The following UBE3C variants were observed in gnomAD, a reference collection of about 807,000 sequenced individuals.
UBE3C encodes ubiquitin protein ligase E3C.
Under a neutral mutation model 129.4 loss-of-function variants are expected in UBE3C, and 42 were observed. The observed-to-expected ratio is 0.32, with a 90% CI of 0.25 to 0.42. The LOEUF (loss-of-function observed/expected upper bound fraction) is 0.42, where lower values mean the gene tolerates loss of function less well. UBE3C is among the 10% of genes least tolerant of loss of function. The pLI, the probability that UBE3C is intolerant of heterozygous loss-of-function variation, is 1.00. For missense variants in UBE3C, 1,049 were observed against 1,319.1 expected, an observed-to-expected ratio of 0.80 and a Z score of 3.17; for synonymous variants, 510 against 492.4, an observed-to-expected ratio of 1.04 and a Z score of -0.47.
chr7:157,238,839 G>A (rs1796220464), intron 18 of UBE3C, among the ~76,000 whole-genome samples: 1 of 152,188 alleles, frequency 6.6e-6, no homozygotes. Context: ...AAGTTCAGGA[G>A]ATGAAGCTGG....
intron 10 of UBE3C, among the ~76,000 whole-genome samples, chr7:157,199,220 T>C (rs1809209547): frequency 6.6e-6 from 1 of 152,236 alleles, no homozygotes; most frequent in African/African-American, 2.4e-5. Context: ...AAGCAAATAA[T>C]ACCTTTTCAA....
rs747473700 is a variant in UBE3C at position 157,182,248 on chromosome 7, T to C, written c.911T>C (p.Ile304Thr). The C allele has an allele frequency of 1.2e-6, 2 of 1,614,250 alleles. No individual in the cohort carries two copies. Among genetic ancestry groups the C allele is most frequent in the Non-Finnish European group, 8.5e-7 (1 of 1,180,046 alleles). ...YEPFLNALLLIESRCSRKSGG... is the reference protein window; with the variant it reads ...YEPFLNALLLTESRCSRKSGG... ...CCCTTTCTGAATGCACTGTTGTTAATAGAGAGTAGATGTTCAAGAAAGAGT... is the reference window on the plus strand; with the variant it reads ...CCCTTTCTGAATGCACTGTTGTTAACAGAGAGTAGATGTTCAAGAAAGAGT... The change falls in exon 8 of 23, where the codon ATA becomes ACA. Residue 304 changes from isoleucine to threonine, a missense_variant. Coordinates refer to ENST00000348165, the MANE Select transcript of UBE3C (RefSeq NM_014671.3).
intron 18 of UBE3C, among the ~76,000 whole-genome samples, chr7:157,233,609 G>T (rs1482236112): frequency 6.6e-6 from 1 of 152,214 alleles, no homozygotes; most frequent in African/African-American, 2.4e-5. Context: ...CTCATCCCAG[G>T]CTGGAGTGCA....
At position 157,207,693 on chromosome 7, in the gene UBE3C, T is replaced by C; in HGVS notation, c.1577-10T>C. The C allele has an allele frequency of 1.2e-6, 2 of 1,608,246 alleles. No homozygotes were observed. Among genetic ancestry groups the C allele is most frequent in the African/African-American group, 1.3e-5 (1 of 74,592 alleles). ...AAAGAAACAATAGAAAACTGGATTG[T>C]GTTTTTTAGTTGTAGGTCAAAGACA... On this transcript the variant is annotated splice_polypyrimidine_tract_variant and intron_variant, in intron 12 of 22. Coordinates refer to ENST00000348165, the MANE Select transcript of UBE3C (RefSeq NM_014671.3).
At chr7:157,236,363 A>T (rs896804996) in intron 18 of UBE3C, among the ~76,000 whole-genome samples, 3 of 152,122 alleles carry the variant, frequency 2.0e-5, no homozygotes, top group Non-Finnish European at 4.4e-5. Flanking sequence ...TTGCTTTAGG[A>T]TATTGATTTA....
intron 21 of UBE3C, among the ~76,000 whole-genome samples, chr7:157,255,099 G>A (rs982047065): frequency 6.6e-6 from 1 of 152,130 alleles, no homozygotes; most frequent in Non-Finnish European, 1.5e-5. Context: ...CAGCCTGGGC[G>A]ACAGGAGTGA....
intron 10 of UBE3C, among the ~76,000 whole-genome samples, chr7:157,200,100 C>A (rs1396896762): frequency 6.6e-6 from 1 of 152,036 alleles, no homozygotes; most frequent in East Asian, 1.9e-4. Flanking sequence ...GTATCACTGC[C>A]CCTTCATTTT....
chr7:157,256,282 A>T (rs1368140564), intron 21 of UBE3C, among the ~76,000 whole-genome samples: 1 of 152,104 alleles, frequency 6.6e-6, no homozygotes, highest in African/African-American at 2.4e-5. Flanking sequence ...AGCTGAGATT[A>T]TGGGTGCGCG....
At chr7:157,153,982 G>T (rs1005959420) in intron 1 of UBE3C, among the ~76,000 whole-genome samples, 2 of 149,648 alleles carry the variant, frequency 1.3e-5, no homozygotes, top group African/African-American at 2.5e-5. Flanking sequence ...GGGTGACAGA[G>T]CGAGGCCCTG....
intron 11 of UBE3C, 35 bp from the exon 12 acceptor site, chr7:157,207,363 G>A: frequency 6.3e-7 from 1 of 1,586,790 alleles, no homozygotes; most frequent in Non-Finnish European, 8.5e-7. Flanking sequence ...TAATTTTAAA[G>A]TGACTGGTTT....
intron 8 of UBE3C, among the ~76,000 whole-genome samples, chr7:157,182,949 A>G (rs572743152): frequency 1.3e-5 from 2 of 152,082 alleles, no homozygotes; most frequent in Non-Finnish European, 2.9e-5. Flanking sequence ...GGGTTTCACT[A>G]TGTTGGCCAG....
At chr7:157,225,378 A>G in intron 16 of UBE3C, 29 bp from the exon 17 acceptor site, 1 of 1,578,508 alleles carries the variant, frequency 6.3e-7, no homozygotes, top group Non-Finnish European at 8.5e-7. Context: ...TTTGTTTCTA[A>G]TAACCTTACA....
intron 21 of UBE3C, among the ~76,000 whole-genome samples, chr7:157,254,788 C>G (rs1796705632): frequency 6.6e-6 from 1 of 152,054 alleles, no homozygotes; most frequent in Non-Finnish European, 1.5e-5. Flanking sequence ...CGCCTGTAAT[C>G]CCAGCCTTTG....
chr7:157,166,626 G>T (rs939327938), intron 2 of UBE3C, among the ~76,000 whole-genome samples: 3 of 151,682 alleles, frequency 2.0e-5, no homozygotes, highest in African/African-American at 7.3e-5. Context: ...TGTAATCCCA[G>T]CTCCTCGGGA....
chr7:157,211,421 C>G (rs1037403534), intron 13 of UBE3C, among the ~76,000 whole-genome samples: 5 of 152,132 alleles, frequency 3.3e-5, no homozygotes, highest in African/African-American at 1.2e-4. Context: ...TGTTTTTTGA[C>G]TACTAAAGTG....
chr7:157,268,374 GC>G lies in UBE3C; in HGVS notation c.*621del, dbSNP rs1797135357. 6.5e-6 allele frequency: 1 copy of G among 152,684 alleles called. No individual in the cohort carries two copies. The highest frequency in any genetic ancestry group is 1.5e-5 in the Non-Finnish European group (1 of 68,062). The allele number at this position is 152,684 out of a possible 1,614,324, so 9.5% of individuals were successfully genotyped here. On this transcript the variant is annotated 3_prime_UTR_variant, in exon 23 of 23. Transcript: ENST00000348165. ...GCTTGTTTTCAGTATACCGTGGCCT[GC>G]CTCATGATGGTTTGGAGATACTGTC...
At chr7:157,154,943 G>C (rs1240778881) in intron 1 of UBE3C, among the ~76,000 whole-genome samples, 2 of 152,196 alleles carry the variant, frequency 1.3e-5, no homozygotes, top group Non-Finnish European at 2.9e-5. Flanking sequence ...ATGAAATGCT[G>C]TTAATGCATA....
intron 1 of UBE3C, among the ~76,000 whole-genome samples, chr7:157,153,040 A>T (rs1807801856): frequency 1.3e-5 from 2 of 152,144 alleles, no homozygotes; most frequent in Non-Finnish European, 2.9e-5. Flanking sequence ...TACTAAAAAT[A>T]CTGAAATTAG....
intron 18 of UBE3C, among the ~76,000 whole-genome samples, chr7:157,246,680 C>T (rs1358092797): frequency 6.6e-6 from 1 of 152,212 alleles, no homozygotes. Context: ...TTCCCTCTCT[C>T]TGTCCTTCCT....
Sources: allele counts gnomAD v4.1 joint callset (sites outside exome capture counted in the v4.1 genomes callset), GRCh38; gene constraint gnomAD v4.1.1; transcripts MANE v1.5; gene names NCBI Gene and HGNC (gene_info 2026-07-23, HGNC 2026-07-21).